DIP2C: variants seen among roughly 807,000 people sequenced by gnomAD.
DIP2C encodes the protein DIP2 acetate--CoA ligase C (putative).
In DIP2C, 33 loss-of-function variants were observed where a neutral mutation model predicts 192.4. The observed-to-expected ratio is 0.17, with a 90% CI of 0.13 to 0.23. The LOEUF (loss-of-function observed/expected upper bound fraction) is 0.23, where lower values mean the gene tolerates loss of function less well. Among genes scored for constraint, DIP2C ranks in the 10% least tolerant of loss-of-function variants. DIP2C has a pLI of 1.00. For missense variants in DIP2C, 1,537 were observed against 2,110.1 expected, an observed-to-expected ratio of 0.73 and a Z score of 5.32; for synonymous variants, 979 against 864.1, an observed-to-expected ratio of 1.13 and a Z score of -2.33.
intron 1 of DIP2C, among the ~76,000 whole-genome samples, chr10:624,068 G>A (rs997239966): frequency 1.3e-5 from 2 of 152,218 alleles, no homozygotes; most frequent in South Asian, 2.1e-4. Context: ...CCCGGGACCC[G>A]CCCTGAGCCC....
intron 1 of DIP2C, among the ~76,000 whole-genome samples, chr10:500,699 C>G (rs751422398): frequency 2.6e-5 from 4 of 152,132 alleles, no homozygotes; most frequent in Non-Finnish European, 4.4e-5. Context: ...CTTTTAAAAG[C>G]TGGAAATACA....
In DIP2C at chr10:325,043, A is replaced by T. The variant is rs542284329; in HGVS notation, c.3924+1963T>A. On this transcript the variant is annotated intron_variant, in intron 31 of 36. Transcript: ENST00000280886. ...CACTTTAGGAGGCAAAGGAAGGCGG[A>T]TCATGAGGTCAGGAGATCAAAACCA... 1.2e-5 allele frequency: 6 copies of T among 488,292 alleles called. No individual in the cohort carries two copies. The East Asian group carries it at 3.4e-4, about 28-fold the overall frequency. 30.2% of individuals were successfully genotyped at this position (488,292 alleles called of 1,614,324 possible).
chr10:484,828 C>T (rs530118029), intron 2 of DIP2C: 67 of 1,611,288 alleles, frequency 4.2e-5, no homozygotes, highest in East Asian at 2.5e-4. Context: ...GCTGGCCACC[C>T]GCTCCCGAGC....
At chr10:546,236 C>T (rs1848277556) in intron 1 of DIP2C, among the ~76,000 whole-genome samples, 1 of 146,094 alleles carries the variant, frequency 6.8e-6, no homozygotes, top group African/African-American at 2.5e-5. Flanking sequence ...GAGCCGAGGT[C>T]ACGCCACTAC....
intron 1 of DIP2C, among the ~76,000 whole-genome samples, chr10:606,922 G>A (rs1389009828): frequency 6.6e-6 from 1 of 151,924 alleles, no homozygotes; most frequent in Non-Finnish European, 1.5e-5. Flanking sequence ...TCTGAATAGG[G>A]GCCTTCCAAG....
chr10:484,641 C>T (rs534804863), intron 2 of DIP2C: 6 of 1,220,896 alleles, frequency 4.9e-6, no homozygotes, highest in African/African-American at 3.0e-5. Flanking sequence ...GCCTGTGGAG[C>T]GACCTGGCTC....
chr10:594,383 T>C (rs1271263825), intron 1 of DIP2C, among the ~76,000 whole-genome samples: 1 of 151,974 alleles, frequency 6.6e-6, no homozygotes, highest in East Asian at 1.9e-4. Context: ...TAAGGGAACA[T>C]GGCCAAGTAC....
In DIP2C at chr10:653,117, T is replaced by TA. The variant is rs1276064660; in HGVS notation, c.85+36376dup. Among the ~76,000 whole-genome samples the TA allele has an allele frequency of 2.3e-3, 323 of 143,166 alleles. 1 individual carries two copies. The highest frequency in any genetic ancestry group is 4.4e-3 in the East Asian group (22 of 4,998). 93.9% of individuals were successfully genotyped at this position (143,166 alleles called of 152,430 possible). A position where few individuals can be genotyped will look rare whatever the true frequency, so the allele number is the denominator to read the frequency against. ...GTGAGGGGTGACGTCTGTACTGCCT[T>TA]AAAAAAAAAAAAAGCAGATATTCAA... is the stretch of plus-strand genomic sequence containing the variant. On this transcript the variant is annotated intron_variant, in intron 1 of 36. Transcript: ENST00000280886.
At chr10:619,866 T>C (rs992473558) in intron 1 of DIP2C, among the ~76,000 whole-genome samples, 7 of 152,200 alleles carry the variant, frequency 4.6e-5, no homozygotes, top group Non-Finnish European at 8.8e-5. Context: ...ATGGGTTCCC[T>C]GTACTTTAAG....
intron 1 of DIP2C, among the ~76,000 whole-genome samples, chr10:495,554 C>T (rs888127843): frequency 4.0e-5 from 6 of 148,460 alleles, no homozygotes; most frequent in Admixed American, 2.0e-4. Context: ...TTTCTTCTAG[C>T]GACTCTCTCA....
intron 1 of DIP2C, among the ~76,000 whole-genome samples, chr10:657,623 T>C (rs1403195926): frequency 6.9e-4 from 22 of 31,910 alleles, no homozygotes; most frequent in Admixed American, 1.8e-3. Context: ...CTGGACCTGA[T>C]GCTGGACCTG....
intron 8 of DIP2C, 91 bp downstream of exon 8, chr10:413,822 G>C (rs183483286): frequency 6.7e-7 from 1 of 1,487,750 alleles, no homozygotes; most frequent in Non-Finnish European, 9.1e-7. Context: ...ATTACCTTAA[G>C]TGAGGATGTA....
intron 31 of DIP2C, among the ~76,000 whole-genome samples, chr10:312,445 G>A (rs769745286): frequency 2.8e-4 from 43 of 152,138 alleles, no homozygotes; most frequent in Admixed American, 3.9e-4. Flanking sequence ...TGTACGGCCC[G>A]GCACCCACCC....
intron 13 of DIP2C, 84 bp from the exon 14 acceptor site, chr10:387,893 CA>C: frequency 1.5e-6 from 2 of 1,357,562 alleles, no homozygotes; most frequent in South Asian, 1.2e-5. Context: ...AATATTGCAT[CA>C]GGGGAAATAA....
intron 1 of DIP2C, among the ~76,000 whole-genome samples, chr10:561,965 G>T (rs1338032314): frequency 6.6e-6 from 1 of 152,198 alleles, no homozygotes; most frequent in Non-Finnish European, 1.5e-5. Flanking sequence ...TGCACCAGCC[G>T]GGCCGTGCAC....
In DIP2C at chr10:652,727, T is replaced by G. The variant is rs781083918; in HGVS notation, c.85+36767A>C. 1 of 152,080 alleles carries G rather than the reference T, an allele frequency of 6.6e-6. No individual in the cohort carries two copies. Among genetic ancestry groups the G allele is most frequent in the Non-Finnish European group, 1.5e-5 (1 of 68,084 alleles). The allele number at this position is 152,080 out of a possible 1,614,324, so 9.4% of individuals were successfully genotyped here. A position where few individuals can be genotyped will look rare whatever the true frequency, so the allele number is the denominator to read the frequency against. Reference sequence around the variant, plus strand: ...CCCGGTGCTGACCCCATGAGAACACTTTGTGCGTCTTTCTAGGTATTTTCT... The same window carrying G: ...CCCGGTGCTGACCCCATGAGAACACGTTGTGCGTCTTTCTAGGTATTTTCT... On this transcript the variant is annotated intron_variant, in intron 1 of 36. Coordinates refer to ENST00000280886, the MANE Select transcript of DIP2C (RefSeq NM_014974.3). The surrounding 1 kb of genome is among the most constrained non-coding windows in gnomAD (Gnocchi z 4.5).
At chr10:291,156 C>T (rs1301743402) in intron 32 of DIP2C, among the ~76,000 whole-genome samples, 1 of 152,220 alleles carries the variant, frequency 6.6e-6, no homozygotes, top group Non-Finnish European at 1.5e-5. Flanking sequence ...TGTGTGCTGG[C>T]CAGTGCCTCA....
intron 1 of DIP2C, among the ~76,000 whole-genome samples, chr10:595,792 G>C (rs561842772): frequency 1.3e-5 from 2 of 152,308 alleles, no homozygotes; most frequent in African/African-American, 4.8e-5. Flanking sequence ...AAAAATTAAC[G>C]TAAATGATCC....
In DIP2C at chr10:510,945, A is replaced by T. The variant is rs192140166; in HGVS notation, c.86-24415T>A. 1.2e-3 allele frequency among the ~76,000 whole-genome samples: 189 copies of T among 152,302 alleles called. 1 individual carries two copies. The highest frequency in any genetic ancestry group is 7.4e-5 in the Non-Finnish European group (5 of 68,026). ...GGCACAAACATGTCACTTGCCACTC[A>T]TGTCTTTATCTCATTAAAACCTATT... On this transcript the variant is annotated intron_variant, in intron 1 of 36. Transcript: ENST00000280886.
Sources: gnomAD v4.1 joint callset for allele counts (sites outside exome capture counted in the v4.1 genomes callset) on GRCh38, gnomAD v4.1.1 for gene constraint, Gnocchi (gnomAD v3.1) non-coding constraint, MANE v1.5 for transcripts, NCBI Gene and HGNC (gene_info 2026-07-23, HGNC 2026-07-21) for gene names.